Variants in ME1 observed in about 807,000 individuals in gnomAD.
The protein encoded by ME1 is malic enzyme 1.
Under a neutral mutation model 66.4 loss-of-function variants are expected in ME1, and 74 were observed. The ratio of observed to expected loss-of-function variants is 1.11; its 90% CI spans 0.92 to 1.35. The LOEUF is 1.35. Ranked by LOEUF, ME1 falls within the 40% of genes most tolerant of loss-of-function variation. ME1 has a pLI of 0.00. For missense variants in ME1, 750 were observed against 694.1 expected, an observed-to-expected ratio of 1.08 and a Z score of -0.90; for synonymous variants, 251 against 235.6, an observed-to-expected ratio of 1.07 and a Z score of -0.60.
In ME1 at chr6:83,211,635, C is replaced by T. The variant is rs1179886933; in HGVS notation, c.*289G>A. ...TAATTTTGGTCTTCCCATTAGTGTC[C>T]TGTATAAAAATGATGAGTTTCTCCG... On this transcript the variant is annotated 3_prime_UTR_variant, in exon 14 of 14. Coordinates refer to ENST00000369705, the MANE Select transcript of ME1 (RefSeq NM_002395.6). 1 of 202,452 alleles carries T rather than the reference C, an allele frequency of 4.9e-6. No individual in the cohort carries two copies. Among genetic ancestry groups the T allele is most frequent in the Non-Finnish European group, 9.8e-6 (1 of 102,014 alleles). The allele number at this position is 202,452 out of a possible 1,614,324, so 12.5% of individuals were successfully genotyped here.
intron 7 of ME1, among the ~76,000 whole-genome samples, chr6:83,246,507 T>C (rs1349371197): frequency 2.0e-5 from 3 of 152,140 alleles, no homozygotes; most frequent in Non-Finnish European, 4.4e-5. Flanking sequence ...ACATGCTTTT[T>C]ATCTCTTAAA....
chr6:83,223,942 A>G lies in ME1; in HGVS notation c.1276-9T>C. The G allele has an allele frequency of 6.2e-7, 1 of 1,612,812 alleles. No individual in the cohort carries two copies. The highest frequency in any genetic ancestry group is 1.3e-5 in the African/African-American group (1 of 74,998). On this transcript the variant is annotated splice_polypyrimidine_tract_variant and intron_variant, in intron 11 of 13. Transcript: ENST00000369705. ...GCAAAAATTGCACGTCCCTACAACA[A>G]AGACACATACAACTCACTTTAAAAA...
chr6:83,350,773 C>T (rs1177666330), intron 4 of ME1, among the ~76,000 whole-genome samples: 3 of 152,094 alleles, frequency 2.0e-5, no homozygotes, highest in Non-Finnish European at 4.4e-5. Flanking sequence ...CAGGCCTGAG[C>T]CACCACTTCT....
At chr6:83,309,745 A>G (rs1343585967) in intron 6 of ME1, among the ~76,000 whole-genome samples, 1 of 152,076 alleles carries the variant, frequency 6.6e-6, no homozygotes, top group Admixed American at 6.6e-5. Context: ...GCAAAAAGAA[A>G]AGTTTCAAGC....
At chr6:83,422,302 G>A (rs545055531) in intron 1 of ME1, among the ~76,000 whole-genome samples, 4 of 152,196 alleles carry the variant, frequency 2.6e-5, no homozygotes, top group South Asian at 2.1e-4. Context: ...AATTGATATC[G>A]GAACCGCAGG....
intron 1 of ME1, 23 bp from the exon 2 acceptor site, chr6:83,407,924 C>T (rs774695861): frequency 3.2e-6 from 5 of 1,574,926 alleles, no homozygotes; most frequent in Middle Eastern, 1.7e-4. Context: ...AACACACACA[C>T]ACACACAACA....
chr6:83,350,211 T>G (rs888914741), intron 4 of ME1, among the ~76,000 whole-genome samples: 1 of 152,222 alleles, frequency 6.6e-6, no homozygotes, highest in African/African-American at 2.4e-5. Context: ...ACCTACTATG[T>G]GCCAGGCACT....
chr6:83,305,309 A>C (rs756711622), intron 6 of ME1, among the ~76,000 whole-genome samples: 3 of 152,160 alleles, frequency 2.0e-5, no homozygotes, highest in Non-Finnish European at 4.4e-5. Context: ...ATAAGCATAA[A>C]CATAATAAAT....
At chr6:83,295,134 C>T (rs1767574091) in intron 6 of ME1, among the ~76,000 whole-genome samples, 1 of 152,166 alleles carries the variant, frequency 6.6e-6, no homozygotes, top group Non-Finnish European at 1.5e-5. Context: ...GATCACACCT[C>T]AAAACTTCAA....
chr6:83,230,246 G>A (rs182073827), intron 9 of ME1, among the ~76,000 whole-genome samples: 8 of 151,698 alleles, frequency 5.3e-5, no homozygotes, highest in East Asian at 1.9e-4. Flanking sequence ...GCGCGATCTC[G>A]GCTCACCGCA....
At chr6:83,302,875 T>C (rs1179029226) in intron 6 of ME1, among the ~76,000 whole-genome samples, 3 of 152,098 alleles carry the variant, frequency 2.0e-5, no homozygotes, top group Non-Finnish European at 2.9e-5. Context: ...AAGGGATTTA[T>C]ATGTAGGTGA....
intron 6 of ME1, among the ~76,000 whole-genome samples, chr6:83,315,007 G>A (rs935077797): frequency 6.6e-5 from 10 of 152,042 alleles, no homozygotes; most frequent in African/African-American, 1.2e-4. Context: ...AAGGTTTGCA[G>A]GTAATTTAGT....
chr6:83,406,758 G>A (rs12194500), intron 2 of ME1, among the ~76,000 whole-genome samples: 8,374 of 152,112 alleles, frequency 0.055, 290 homozygotes, highest in Admixed American at 0.097. Flanking sequence ...CCAAAATATG[G>A]GTGGGCCTCC....
At chr6:83,325,819 C>T (rs1015647772) in intron 5 of ME1, among the ~76,000 whole-genome samples, 3 of 151,870 alleles carry the variant, frequency 2.0e-5, no homozygotes, top group Non-Finnish European at 4.4e-5. Flanking sequence ...CAATGTTATT[C>T]CCATCAAACT....
chr6:83,374,404 G>C (rs1181622514), intron 3 of ME1, among the ~76,000 whole-genome samples: 1 of 152,148 alleles, frequency 6.6e-6, no homozygotes, highest in Admixed American at 6.5e-5. Context: ...GTCTTCCTTT[G>C]AGAAGTGTCT....
intron 6 of ME1, among the ~76,000 whole-genome samples, chr6:83,310,417 A>G (rs1169692563): frequency 2.0e-5 from 3 of 152,160 alleles, no homozygotes; most frequent in Non-Finnish European, 1.5e-5. Flanking sequence ...TTTCTTCCAC[A>G]GAGTTTAATC....
At chr6:83,231,905 T>C (rs1790316166) in intron 9 of ME1, among the ~76,000 whole-genome samples, 2 of 152,170 alleles carry the variant, frequency 1.3e-5, no homozygotes, top group Non-Finnish European at 2.9e-5. Context: ...ACTTTATTTG[T>C]GATATTATTA....
intron 9 of ME1, among the ~76,000 whole-genome samples, chr6:83,233,024 T>G (rs1790333281): frequency 6.6e-6 from 1 of 152,180 alleles, no homozygotes; most frequent in African/African-American, 2.4e-5. Context: ...ATATCCTACT[T>G]TTTATTTTGA....
At chr6:83,312,722 C>T (rs1460248081) in intron 6 of ME1, among the ~76,000 whole-genome samples, 1 of 152,010 alleles carries the variant, frequency 6.6e-6, no homozygotes, top group Non-Finnish European at 1.5e-5. Flanking sequence ...ATGTCCTCTC[C>T]TCCAAAGAGG....
Sources: allele counts gnomAD v4.1 joint callset (sites outside exome capture counted in the v4.1 genomes callset), GRCh38; gene constraint gnomAD v4.1.1; transcripts MANE v1.5; gene names NCBI Gene and HGNC (gene_info 2026-07-23, HGNC 2026-07-21).